Variants in BRWD3 observed in about 807,000 individuals in gnomAD.
BRWD3 encodes bromodomain and WD repeat domain containing 3, also known as bromodomain and WD repeat-containing protein 3.
In BRWD3, 10 loss-of-function variants were observed where a neutral mutation model predicts 149.7. The observed-to-expected ratio is 0.07, with a 90% CI of 0.04 to 0.11. The LOEUF is 0.11. Among genes scored for constraint, BRWD3 ranks in the 10% least tolerant of loss-of-function variants. The pLI is 1.00. For missense variants in BRWD3, 940 were observed against 1,373.2 expected (o/e 0.68, Z 4.99); for synonymous variants, 504 against 456.7 (o/e 1.10, Z -1.32).
intron 35 of BRWD3, among the ~76,000 whole-genome samples, 173 bp downstream of exon 35, chrX:80,686,688 GAC>G (rs755439154): frequency 1.8e-5 from 2 of 110,949 alleles, no homozygotes; most frequent in South Asian, 7.5e-4. Flanking sequence ...ACACACTGAA[GAC>G]ACAATTACAT....
At chrX:80,731,927 T>G (rs1361572767) in intron 12 of BRWD3, among the ~76,000 whole-genome samples, 1 of 102,360 alleles carries the variant, frequency 9.8e-6, no homozygotes, top group Non-Finnish European at 2.0e-5. Flanking sequence ...AAAGTCCTTA[T>G]AGACATACAA....
Position 80,677,203 on chromosome X carries a change from C to A in BRWD3, c.4815G>T (p.Glu1605Asp), listed in dbSNP as rs757838662. 8.3e-7 allele frequency: 1 copy of A among 1,209,079 alleles called. No homozygotes were observed. Among genetic ancestry groups the A allele is most frequent in the African/African-American group, 1.7e-5 (1 of 57,143 alleles). ...TTAAACTGGATCCTAACTCTCCACT[C>A]TCTGAGGTGGATAAATGAGATTTCT... ...TKEKSHLSTS[E>D]SGELGSSLSS... Residue 1605 changes from glutamate (E) to aspartate (D), a missense_variant, in exon 41 of 41, where the codon GAG (glutamate) becomes GAT (aspartate). By Grantham distance (45) the Glu-to-Asp change is conservative (BLOSUM62 2). This residue lies in a region of BRWD3 where 349 missense variants were observed against 419.6 expected (regional missense o/e 0.83). Coordinates refer to ENST00000373275, the MANE Select transcript of BRWD3 (RefSeq NM_153252.5).
intron 6 of BRWD3, among the ~76,000 whole-genome samples, chrX:80,770,686 T>C (rs1298368043): frequency 8.9e-5 from 10 of 111,977 alleles, no homozygotes; most frequent in Non-Finnish European, 1.7e-4. Context: ...CTTTGAAAAC[T>C]GGGACAAGAC....
intron 25 of BRWD3, among the ~76,000 whole-genome samples, chrX:80,698,641 G>A (rs952867146): frequency 1.8e-5 from 2 of 108,828 alleles, no homozygotes; most frequent in South Asian, 8.2e-4. Flanking sequence ...CCTGGGAGGC[G>A]GAGGTTGCAG....
intron 6 of BRWD3, among the ~76,000 whole-genome samples, chrX:80,771,631 C>A (rs1356047053): frequency 9.0e-6 from 1 of 111,633 alleles, no homozygotes; most frequent in Non-Finnish European, 1.9e-5. Flanking sequence ...TCTAATTAAA[C>A]TAAAGAGCTT....
chrX:80,789,000 A>C (rs1340394582), intron 6 of BRWD3, among the ~76,000 whole-genome samples: 1 of 112,124 alleles, frequency 8.9e-6, no homozygotes, highest in Non-Finnish European at 1.9e-5. Flanking sequence ...GTTACACAAA[A>C]ATGTATACAA....
intron 39 of BRWD3, 25 bp downstream of exon 39, chrX:80,681,972 C>A: frequency 8.8e-7 from 1 of 1,133,301 alleles, no homozygotes. Flanking sequence ...AGATGCAGAA[C>A]ACCAAAAACA....
At chrX:80,782,148 T>TA (rs1460070847) in intron 6 of BRWD3, among the ~76,000 whole-genome samples, 1 of 111,607 alleles carries the variant, frequency 9.0e-6, no homozygotes, top group Admixed American at 9.5e-5. Flanking sequence ...GGTACTGGCA[T>TA]AAAAACAGAA....
intron 26 of BRWD3, among the ~76,000 whole-genome samples, chrX:80,696,438 A>G (rs995353259): frequency 3.7e-4 from 40 of 108,309 alleles, no homozygotes; most frequent in Non-Finnish European, 3.3e-4. Flanking sequence ...TAGCATTTCC[A>G]TTTTACAAAT....
chrX:80,717,670 G>A lies in BRWD3; in HGVS notation c.2134C>T (p.His712Tyr). The A allele has an allele frequency of 8.3e-7, 1 of 1,209,853 alleles. No individual in the cohort carries two copies. Among genetic ancestry groups the A allele is most frequent in the South Asian group, 1.8e-5 (1 of 56,974 alleles). The change falls in exon 19 of 41, where the codon CAT becomes TAT. Residue 712 changes from histidine to tyrosine, a missense_variant. By Grantham distance (83) the His-to-Tyr change is moderately conservative (BLOSUM62 2). Coordinates refer to ENST00000373275, the MANE Select transcript of BRWD3 (RefSeq NM_153252.5). Reference protein sequence around the residue: ...SSQIEGVRQMHNNAPRSQMAT... With the variant: ...SSQIEGVRQMYNNAPRSQMAT... ...ATCTGGCTCCGAGGAGCATTGTTATGCATTTGTCTAACACCTTCAATTTGA... is the reference window on the plus strand; with the variant it reads ...ATCTGGCTCCGAGGAGCATTGTTATACATTTGTCTAACACCTTCAATTTGA...
chrX:80,792,287 G>A (rs922673954), intron 5 of BRWD3, among the ~76,000 whole-genome samples: 4 of 111,373 alleles, frequency 3.6e-5, no homozygotes, highest in African/African-American at 9.8e-5. Context: ...AGGCTTACAC[G>A]TCTATTCATA....
At chrX:80,732,270 T>C (rs1418951143) in intron 12 of BRWD3, among the ~76,000 whole-genome samples, 1 of 112,213 alleles carries the variant, frequency 8.9e-6, no homozygotes, top group Non-Finnish European at 1.9e-5. Flanking sequence ...TTGAAACAAA[T>C]TTATGCTAGG....
intron 40 of BRWD3, among the ~76,000 whole-genome samples, chrX:80,678,975 C>A (rs2072407429): frequency 8.9e-6 from 1 of 111,762 alleles, no homozygotes; most frequent in Non-Finnish European, 1.9e-5. Flanking sequence ...GGAAGAGATA[C>A]TAGAGGTATT....
intron 36 of BRWD3, among the ~76,000 whole-genome samples, chrX:80,684,563 C>T (rs2072496649): frequency 9.0e-6 from 1 of 111,585 alleles, no homozygotes; most frequent in African/African-American, 3.2e-5. Context: ...CATATTTCCA[C>T]GATTCCTTGC....
chrX:80,803,367 C>T (rs1172429789), intron 4 of BRWD3, among the ~76,000 whole-genome samples: 1 of 111,460 alleles, frequency 9.0e-6, no homozygotes, highest in East Asian at 2.8e-4. Flanking sequence ...CTAACACCAG[C>T]TCTCTTCACT....
intron 4 of BRWD3, among the ~76,000 whole-genome samples, chrX:80,803,101 C>CAAAAAAAAAAA (rs61306754): frequency 4.2e-5 from 1 of 24,055 alleles, no homozygotes; most frequent in African/African-American, 1.0e-4. Flanking sequence ...GACTCCATCT[C>CAAAAAAAAAAA]AAAAAAAAAA....
At position 80,692,139 on chromosome X, in the gene BRWD3, T is replaced by C. The variant is rs761277840; in HGVS notation, c.3275A>G (p.Asn1092Ser). 8.3e-7 allele frequency: 1 copy of C among 1,202,153 alleles called. No individual in the cohort carries two copies. Among genetic ancestry groups the C allele is most frequent in the Non-Finnish European group, 1.1e-6 (1 of 888,981 alleles). The change falls in exon 29 of 41, where the codon AAT (asparagine) becomes AGT (serine). Residue 1092 changes from asparagine (N) to serine (S), a missense_variant. Asn to Ser is a conservative substitution (Grantham distance 46, BLOSUM62 1). Around this residue, in one of 6 missense-constraint regions of BRWD3, gnomAD observed 158 missense variants for 284.0 expected, o/e 0.56. Coordinates refer to ENST00000373275, the MANE Select transcript of BRWD3 (RefSeq NM_153252.5). The stretch of plus-strand genomic sequence containing the variant: ...CCATGGGCTCATCTTTTCTCTCTCA[T>C]TATTGTCCCAGCTATTAAAAAATAA... ...FQCYSVHWDNNEREKMSPWDM... is the reference protein window; with the variant it reads ...FQCYSVHWDNSEREKMSPWDM...
At chrX:80,736,810 G>T (rs2073411549) in intron 8 of BRWD3, among the ~76,000 whole-genome samples, 3 of 110,985 alleles carry the variant, frequency 2.7e-5, no homozygotes, top group Non-Finnish European at 5.7e-5. Context: ...CCTCAGAAAA[G>T]AATCACAGAA....
chrX:80,683,153 A>C (rs1311782158), intron 37 of BRWD3, among the ~76,000 whole-genome samples: 2 of 111,818 alleles, frequency 1.8e-5, no homozygotes, highest in Admixed American at 9.5e-5. Flanking sequence ...CCTTGTTTTC[A>C]AAGAGTCATG....
Sources: gnomAD v4.1 joint callset for allele counts (sites outside exome capture counted in the v4.1 genomes callset) on GRCh38, gnomAD v4.1.1 for gene constraint, gnomAD v4.1.1 regional missense constraint, MANE v1.5 for transcripts, NCBI Gene and HGNC (gene_info 2026-07-23, HGNC 2026-07-21) for gene names.